Variants in CSMD1 observed in about 807,000 individuals in gnomAD.
CSMD1 encodes CUB and sushi domain-containing protein 1.
In CSMD1, 213 loss-of-function variants were observed where a neutral mutation model predicts 417.5. That is an observed-to-expected ratio of 0.51 (90% CI 0.46 to 0.57). The LOEUF is 0.57. Among genes scored for constraint, CSMD1 ranks in the 20% least tolerant of loss-of-function variants. The pLI is 0.00. For missense variants in CSMD1, 6,923 were observed against 4,529.7 expected (o/e 1.53, Z -15.17); for synonymous variants, 2,862 against 1,736.8 (o/e 1.65, Z -16.11).
intron 7 of CSMD1, among the ~76,000 whole-genome samples, chr8:3,652,878 G>C (rs903644266): frequency 1.1e-4 from 16 of 152,250 alleles, no homozygotes; most frequent in African/African-American, 3.6e-4. Context: ...CACACAGTCA[G>C]CACTCAATAC....
chr8:3,320,104 C>G (rs1485696765), intron 23 of CSMD1, among the ~76,000 whole-genome samples: 3 of 152,180 alleles, frequency 2.0e-5, no homozygotes, highest in Admixed American at 6.5e-5. Flanking sequence ...AAGACATGCT[C>G]TGTGCCACAC....
intron 1 of CSMD1, among the ~76,000 whole-genome samples, chr8:4,685,303 T>C (rs191991983): frequency 6.6e-6 from 1 of 152,268 alleles, no homozygotes; most frequent in Admixed American, 6.5e-5. Flanking sequence ...GCCAGGCGTG[T>C]TGGCTCATGC....
intron 52 of CSMD1, among the ~76,000 whole-genome samples, chr8:3,011,893 A>T (rs749034066): frequency 1.3e-5 from 2 of 152,208 alleles, no homozygotes; most frequent in Non-Finnish European, 2.9e-5. Context: ...GATAAACAGG[A>T]GAAAATAATT....
intron 12 of CSMD1, among the ~76,000 whole-genome samples, chr8:3,426,641 A>G (rs80157267): frequency 0.037 from 5,708 of 152,282 alleles, 194 homozygotes; most frequent in East Asian, 0.1. Flanking sequence ...GTGAGATGCC[A>G]TAATTAACTT....
chr8:4,357,076 A>C (rs1285927254), intron 3 of CSMD1, among the ~76,000 whole-genome samples: 1 of 152,242 alleles, frequency 6.6e-6, no homozygotes, highest in Non-Finnish European at 1.5e-5. Flanking sequence ...AGGAAGAATA[A>C]TATGAATAAT....
chr8:4,246,846 G>A (rs1313200214), intron 3 of CSMD1, among the ~76,000 whole-genome samples: 1 of 152,102 alleles, frequency 6.6e-6, no homozygotes, highest in Non-Finnish European at 1.5e-5. Context: ...AGAATTTAGA[G>A]CTGAACACTC....
At chr8:4,846,283 C>A (rs574142009) in intron 1 of CSMD1, among the ~76,000 whole-genome samples, 23 of 152,250 alleles carry the variant, frequency 1.5e-4, no homozygotes, top group African/African-American at 4.8e-4. Context: ...AGATCTTTAA[C>A]TTGTTATTTC....
chr8:3,741,862 C>G (rs769812402), intron 6 of CSMD1, among the ~76,000 whole-genome samples: 1 of 152,138 alleles, frequency 6.6e-6, no homozygotes, highest in African/African-American at 2.4e-5. Context: ...CTCTTGTGGA[C>G]CAAAGGTAAA....
rs1242129291 is a variant in CSMD1, at chr8:4,393,314, G to C, written c.415+26639C>G. Among the ~76,000 whole-genome samples, 6 of 152,188 alleles carry C rather than the reference G, an allele frequency of 3.9e-5. No individual in the cohort carries two copies. The South Asian group carries it at 8.3e-4, about 21-fold the overall frequency. ...TTAATTAGGTGCTTTAGAAATAAAA[G>C]GAATATCACAAAGTTGAGGCAGCAG... On this transcript the variant is annotated intron_variant, in intron 3 of 69. Transcript: ENST00000635120.
intron 3 of CSMD1, among the ~76,000 whole-genome samples, chr8:4,149,384 A>C (rs776031924): frequency 6.6e-6 from 1 of 152,200 alleles, no homozygotes; most frequent in South Asian, 2.1e-4. Flanking sequence ...TAAAACCAAT[A>C]TATCTTAGGT....
intron 3 of CSMD1, among the ~76,000 whole-genome samples, chr8:4,196,962 T>C (rs1799373779): frequency 6.6e-6 from 1 of 152,252 alleles, no homozygotes; most frequent in South Asian, 2.1e-4. Context: ...ATTTTAGTCA[T>C]TTGAGCCTCA....
chr8:4,944,182 C>A (rs1215830283), intron 1 of CSMD1, among the ~76,000 whole-genome samples: 1 of 152,228 alleles, frequency 6.6e-6, no homozygotes, highest in Non-Finnish European at 1.5e-5. Flanking sequence ...AATCCACGAA[C>A]TTAGATTTGG....
Position 3,512,223 on chromosome 8 carries a change from G to A in CSMD1, c.1345-18497C>T, listed in dbSNP as rs369863670. On this transcript the variant is annotated intron_variant, in intron 10 of 69. Coordinates refer to ENST00000635120, the MANE Select transcript of CSMD1 (RefSeq NM_033225.6). The stretch of plus-strand genomic sequence containing the variant: ...TCCACCTAATTTACCACCGCTCCTC[G>A]CGGGTCCACGTGCAGAACCATGCTG... Among the ~76,000 whole-genome samples, 54 of 152,302 alleles carry A rather than the reference G, an allele frequency of 3.5e-4. 1 individual carries two copies. In the South Asian group the frequency reaches 0.011, roughly 30 times the overall value.
intron 5 of CSMD1, among the ~76,000 whole-genome samples, chr8:3,981,745 T>G (rs1049792462): frequency 2.6e-5 from 4 of 152,258 alleles, no homozygotes; most frequent in African/African-American, 9.6e-5. Flanking sequence ...TAAACGTGCT[T>G]GGAGACCCTG....
At chr8:4,666,719 C>T (rs1377537716) in intron 1 of CSMD1, among the ~76,000 whole-genome samples, 1 of 152,062 alleles carries the variant, frequency 6.6e-6, no homozygotes, top group Non-Finnish European at 1.5e-5. Context: ...TGTTTTCTTA[C>T]TGAGATTTGA....
At chr8:3,301,164 T>G (rs1804372420) in intron 25 of CSMD1, among the ~76,000 whole-genome samples, 1 of 152,070 alleles carries the variant, frequency 6.6e-6, no homozygotes, top group Admixed American at 6.6e-5. Flanking sequence ...ATATAGACAT[T>G]AGTTTTATAG....
At chr8:3,296,133 C>G (rs1803946922) in intron 25 of CSMD1, among the ~76,000 whole-genome samples, 1 of 151,948 alleles carries the variant, frequency 6.6e-6, no homozygotes, top group Admixed American at 6.6e-5. Flanking sequence ...AAAAGAATCA[C>G]TGGGATACTA....
intron 3 of CSMD1, among the ~76,000 whole-genome samples, chr8:4,180,854 G>T (rs1324651959): frequency 6.6e-6 from 1 of 152,038 alleles, no homozygotes; most frequent in Non-Finnish European, 1.5e-5. Flanking sequence ...ATATTTAAAA[G>T]CTCACGATAC....
At chr8:4,214,312 A>G (rs746331494) in intron 3 of CSMD1, among the ~76,000 whole-genome samples, 1 of 152,170 alleles carries the variant, frequency 6.6e-6, no homozygotes, top group Non-Finnish European at 1.5e-5. Context: ...TAGTTTTATT[A>G]TTTGAGAAAA....
Sources: allele counts gnomAD v4.1 joint callset (sites outside exome capture counted in the v4.1 genomes callset), GRCh38; gene constraint gnomAD v4.1.1; transcripts MANE v1.5; gene names NCBI Gene and HGNC (gene_info 2026-07-23, HGNC 2026-07-21).